Variants in IFT88 observed in about 807,000 individuals in gnomAD.
IFT88 encodes the protein intraflagellar transport 88, also known as intraflagellar transport protein 88 homolog.
Under a neutral mutation model 119.5 loss-of-function variants are expected in IFT88, and 74 were observed. The observed-to-expected ratio is 0.62, with a 90% CI of 0.51 to 0.75. IFT88 has a LOEUF of 0.75. Among genes scored for constraint, IFT88 ranks in the 30% least tolerant of loss-of-function variants. IFT88 has a pLI of 0.00. For synonymous variants in IFT88, 279 were observed against 316.7 expected (o/e 0.88, Z 1.26); for missense variants, 961 against 977.7 (o/e 0.98, Z 0.23).
At chr13:20,615,487 T>A (rs974855833) in intron 13 of IFT88, among the ~76,000 whole-genome samples, 1 of 152,176 alleles carries the variant, frequency 6.6e-6, no homozygotes, top group Non-Finnish European at 1.5e-5. Flanking sequence ...GTAGGCTACG[T>A]AAGTTCCGCT....
chr13:20,634,554 C>T (rs577747967), intron 16 of IFT88, among the ~76,000 whole-genome samples: 8 of 151,922 alleles, frequency 5.3e-5, no homozygotes, highest in East Asian at 1.9e-4. Context: ...GGTGAAACCC[C>T]GTCTCTACCA....
intron 24 of IFT88, among the ~76,000 whole-genome samples, chr13:20,684,444 ACT>A (rs2057668044): frequency 6.6e-6 from 1 of 151,970 alleles, no homozygotes; most frequent in Admixed American, 6.6e-5. Context: ...ACTTCGTTAC[ACT>A]CTCCTTCTTC....
chr13:20,651,462 A>G (rs1165888963), intron 20 of IFT88, among the ~76,000 whole-genome samples: 6 of 148,098 alleles, frequency 4.1e-5, no homozygotes, highest in African/African-American at 1.5e-4. Context: ...TTTGAGCCTC[A>G]GCTTTCAGTT....
rs528178118 is a variant in IFT88 at position 20,624,964 on chromosome 13, C to G, written c.1200-786C>G. ...ATAATATATTATTAACCATAATTCC[C>G]TTGATGTACAATAGATCTCTTCAAC... On this transcript the variant is annotated intron_variant, in intron 14 of 25. Coordinates refer to ENST00000351808, the MANE Select transcript of IFT88 (RefSeq NM_006531.5). Among the ~76,000 whole-genome samples, 12 of 152,194 alleles carry G rather than the reference C, an allele frequency of 7.9e-5. No individual in the cohort carries two copies. The East Asian group carries it at 2.3e-3, about 29-fold the overall frequency.
chr13:20,638,404 C>G lies in IFT88; in HGVS notation c.1459C>G (p.Leu487Val). The G allele has an allele frequency of 2.0e-6, 3 of 1,521,352 alleles. No homozygotes were observed. The highest frequency in any genetic ancestry group is 2.6e-6 in the Non-Finnish European group (3 of 1,139,600). The allele number at this position is 1,521,352 out of a possible 1,614,324, so 94.2% of individuals were successfully genotyped here. The change falls in exon 17 of 26, where the codon CTT (leucine) becomes GTT (valine). Residue 487 changes from leucine to valine, a missense_variant. Leu to Val is a conservative substitution (Grantham distance 32). Coordinates refer to ENST00000351808, the MANE Select transcript of IFT88 (RefSeq NM_006531.5). ...CTCTGATAGATATAATCCAGCAGCT[C>G]TTACTAATAAAGGGAATACAGTTTT... ...VNSDRYNPAA[L>V]TNKGNTVFAN...
chr13:20,675,722 T>C (rs1359440241), intron 24 of IFT88, among the ~76,000 whole-genome samples: 12 of 152,272 alleles, frequency 7.9e-5, no homozygotes, highest in Non-Finnish European at 1.3e-4. Flanking sequence ...AATGTGATAG[T>C]GTTCTATAAA....
At chr13:20,568,385 G>A (rs1461170578) in intron 1 of IFT88, among the ~76,000 whole-genome samples, 1 of 152,114 alleles carries the variant, frequency 6.6e-6, no homozygotes, top group Non-Finnish European at 1.5e-5. Context: ...AACTTTCCTG[G>A]CCTCACTTTC....
chr13:20,666,266 G>A (rs764937401), intron 23 of IFT88, among the ~76,000 whole-genome samples: 18 of 152,210 alleles, frequency 1.2e-4, no homozygotes, highest in Non-Finnish European at 2.1e-4. Flanking sequence ...ACTATCTGTG[G>A]TGAAATTATT....
In IFT88 at chr13:20,638,486, A is replaced by T; in HGVS notation, c.1541A>T (p.Asp514Val). 6.6e-7 allele frequency: 1 copy of T among 1,514,444 alleles called. No individual in the cohort carries two copies. The highest frequency in any genetic ancestry group is 8.8e-7 in the Non-Finnish European group (1 of 1,138,824). 93.8% of individuals were successfully genotyped at this position (1,514,444 alleles called of 1,614,324 possible). The change falls in exon 17 of 26, where the codon GAT becomes GTT. Residue 514 changes from aspartate (D) to valine (V), a missense_variant. Physicochemically the swap from Asp to Val is radical, Grantham distance 152 (BLOSUM62 -3). Transcript: ENST00000351808. ...AEFYKEALRNDSSCTEALYNI... is the reference protein window; with the variant it reads ...AEFYKEALRNVSSCTEALYNI... ...TTCTATAAAGAGGCTCTAAGAAATG[A>T]TTCTTCTTGTACTGAAGCACTTTAT...
chr13:20,601,634 T>C, intron 11 of IFT88, 71 bp from the exon 12 acceptor site: 1 of 978,344 alleles, frequency 1.0e-6, no homozygotes, highest in Non-Finnish European at 1.5e-6. Flanking sequence ...AAGAAAACTA[T>C]TTGTGAATGG....
At chr13:20,608,655 G>A (rs542353970) in intron 13 of IFT88, among the ~76,000 whole-genome samples, 1 of 152,306 alleles carries the variant, frequency 6.6e-6, no homozygotes, top group Admixed American at 6.5e-5. Flanking sequence ...AGGACCAACA[G>A]GGTCACTGAG....
At chr13:20,638,654 T>G (rs189017278) in intron 17 of IFT88, 136 bp downstream of exon 17, 13 of 453,340 alleles carry the variant, frequency 2.9e-5, no homozygotes, top group Admixed American at 4.3e-5. Flanking sequence ...TGAAGACTAC[T>G]GCCTCTCAGA....
At chr13:20,597,613 G>T (rs940850339) in intron 9 of IFT88, among the ~76,000 whole-genome samples, 5 of 151,778 alleles carry the variant, frequency 3.3e-5, no homozygotes, top group Admixed American at 2.0e-4. Context: ...GTGTGGTGGC[G>T]GGCGCCTGTA....
chr13:20,609,317 GTT>G (rs2044053232), intron 13 of IFT88, among the ~76,000 whole-genome samples: 2 of 152,188 alleles, frequency 1.3e-5, no homozygotes, highest in Admixed American at 6.5e-5. Context: ...TTATCTCAAT[GTT>G]TTGCATAATA....
chr13:20,691,181 A>G lies in IFT88; in HGVS notation c.*6A>G. 1.9e-6 allele frequency: 3 copies of G among 1,607,242 alleles called. No individual in the cohort carries two copies. The highest frequency in any genetic ancestry group is 1.7e-6 in the Non-Finnish European group (2 of 1,175,956). ...ATGATTTGCTTCCAGAATAATATTC[A>G]CTTTAATATTTATTAAAGGAAAGAA... On this transcript the variant is annotated 3_prime_UTR_variant, in exon 26 of 26. Coordinates refer to ENST00000351808, the MANE Select transcript of IFT88 (RefSeq NM_006531.5).
intron 22 of IFT88, among the ~76,000 whole-genome samples, chr13:20,658,645 A>G (rs1019099338): frequency 6.6e-6 from 1 of 152,186 alleles, no homozygotes; most frequent in Non-Finnish European, 1.5e-5. Context: ...GGATTGTGCA[A>G]TTCCACATTG....
chr13:20,635,661 G>A (rs146725775), intron 16 of IFT88, among the ~76,000 whole-genome samples: 91 of 152,230 alleles, frequency 6.0e-4, no homozygotes, highest in African/African-American at 2.1e-3. Context: ...ATTCATAAGT[G>A]AGAGTTGAAC....
intron 14 of IFT88, among the ~76,000 whole-genome samples, chr13:20,619,062 T>C (rs2046101185): frequency 6.6e-6 from 1 of 152,146 alleles, no homozygotes; most frequent in Non-Finnish European, 1.5e-5. Flanking sequence ...TTCACCGTGT[T>C]AGCCAGGATG....
intron 7 of IFT88, among the ~76,000 whole-genome samples, chr13:20,593,777 T>G (rs954239599): frequency 6.6e-6 from 1 of 152,046 alleles, no homozygotes; most frequent in Non-Finnish European, 1.5e-5. Context: ...AGGCCGGGCG[T>G]GGTGGCTCAT....
Sources: allele counts gnomAD v4.1 joint callset (sites outside exome capture counted in the v4.1 genomes callset), GRCh38; gene constraint gnomAD v4.1.1; transcripts MANE v1.5; gene names NCBI Gene and HGNC (gene_info 2026-07-23, HGNC 2026-07-21).